The following GNG7 variants were observed in gnomAD, a reference collection of about 807,000 sequenced individuals.
GNG7 encodes guanine nucleotide-binding protein G(I)/G(S)/G(O) subunit gamma-7.
GNG7 carries 1 observed loss-of-function variant against 4.0 expected under a neutral mutation model. That is an observed-to-expected ratio of 0.25 (90% CI 0.09 to 1.18). The LOEUF is 1.18. Among genes scored for constraint, GNG7 ranks in the 50% most tolerant of loss-of-function variants. The probability of loss-of-function intolerance (pLI) is 0.50; values close to 1 mark genes in which losing one functional copy is unlikely to be tolerated. For missense variants in GNG7, 86 were observed against 91.9 expected, an observed-to-expected ratio of 0.94 and a Z score of 0.26; for synonymous variants, 34 against 36.9, an observed-to-expected ratio of 0.92 and a Z score of 0.29.
chr19:2,539,579 A>C (rs1978877596), intron 3 of GNG7, among the ~76,000 whole-genome samples: 1 of 152,116 alleles, frequency 6.6e-6, no homozygotes, highest in African/African-American at 2.4e-5. Context: ...CGCTGGGATT[A>C]CAGGCGGGAG....
At chr19:2,661,347 A>AGAAAGAAAGAAG (rs1568277881) in intron 1 of GNG7, among the ~76,000 whole-genome samples, 156 of 148,434 alleles carry the variant, frequency 1.1e-3, no homozygotes, top group African/African-American at 3.5e-3. Context: ...AAAGAAAGAA[A>AGAAAGAAAGAAG]GAAAGAAAGA....
intron 4 of GNG7, among the ~76,000 whole-genome samples, chr19:2,519,634 C>A (rs1172019602): frequency 7.2e-6 from 1 of 138,440 alleles, no homozygotes; most frequent in African/African-American, 2.7e-5. Flanking sequence ...ACATTTAAAT[C>A]CGTAGACTTC....
At chr19:2,668,667 A>G (rs1983374320) in intron 1 of GNG7, among the ~76,000 whole-genome samples, 1 of 152,190 alleles carries the variant, frequency 6.6e-6, no homozygotes, top group South Asian at 2.1e-4. Context: ...GGAGGGCTGC[A>G]GTTTTATGGA....
In GNG7 at chr19:2,568,457, TAC is replaced by T. The variant is rs745912151; in HGVS notation, c.-77-13271_-77-13270del. 8.8e-4 allele frequency among the ~76,000 whole-genome samples: 48 copies of T among 54,832 alleles called. 1 individual carries two copies. The highest frequency in any genetic ancestry group is 0.02 in the Middle Eastern group (1 of 50). 36.0% of individuals were successfully genotyped at this position (54,832 alleles called of 152,430 possible). A position where few individuals can be genotyped will look rare whatever the true frequency, so the allele number is the denominator to read the frequency against. On this transcript the variant is annotated intron_variant, in intron 2 of 4. Coordinates refer to ENST00000382159, the MANE Select transcript of GNG7 (RefSeq NM_052847.3). Reference sequence around the variant, plus strand: ...ATATACATACACACATACATATACATACACACACACATGCACATACACACAGA... The same window carrying T: ...ATATACATACACACATACATATACATACACACACATGCACATACACACAGA...
intron 2 of GNG7, among the ~76,000 whole-genome samples, chr19:2,589,844 C>T (rs954725971): frequency 6.6e-6 from 1 of 152,166 alleles, no homozygotes; most frequent in Admixed American, 6.5e-5. Flanking sequence ...GCCAGTCTCG[C>T]TCTGTCGCCC....
rs376157537 is a variant in GNG7 at position 2,640,490 on chromosome 19, CCTT to C, written c.-78+5731_-78+5733del. ...ATGAGGAATGAGAGAATAGAACCCT[CCTT>C]GTGTGAAATCTACAGGTGAATGTAA... On this transcript the variant is annotated intron_variant, in intron 2 of 4. Coordinates refer to ENST00000382159, the MANE Select transcript of GNG7 (RefSeq NM_052847.3). Among the ~76,000 whole-genome samples the C allele has an allele frequency of 4.0e-3, 606 of 152,286 alleles. 7 individuals carry two copies. In the South Asian group the frequency reaches 0.044, roughly 11 times the overall value.
At chr19:2,593,675 C>T (rs995907929) in intron 2 of GNG7, among the ~76,000 whole-genome samples, 1 of 150,630 alleles carries the variant, frequency 6.6e-6, no homozygotes, top group Non-Finnish European at 1.5e-5. Context: ...ACCTGGGACA[C>T]GGAGCTTGCA....
intron 3 of GNG7, among the ~76,000 whole-genome samples, chr19:2,525,696 G>A (rs988341232): frequency 6.6e-6 from 1 of 152,138 alleles, no homozygotes; most frequent in Non-Finnish European, 1.5e-5. Flanking sequence ...CTAACCCCTT[G>A]CTCCGGCAGT....
intron 2 of GNG7, among the ~76,000 whole-genome samples, chr19:2,575,566 C>CACACACAG (rs1568249803): frequency 8.4e-5 from 7 of 83,350 alleles, no homozygotes; most frequent in African/African-American, 3.7e-4. Context: ...CACACGCAGG[C>CACACACAG]ACACGCAGAC....
intron 2 of GNG7, among the ~76,000 whole-genome samples, chr19:2,582,213 G>A (rs1446198037): frequency 3.3e-5 from 5 of 152,126 alleles, no homozygotes; most frequent in African/African-American, 7.2e-5. Context: ...ATTGCAGCAA[G>A]GTTGATTTTT....
Position 2,568,825 on chromosome 19 carries a change from CAAAT to C in GNG7, c.-77-13641_-77-13638del, listed in dbSNP as rs375881713. Among the ~76,000 whole-genome samples, 37 of 151,986 alleles carry C rather than the reference CAAAT, an allele frequency of 2.4e-4. No homozygotes were observed. The East Asian group carries it at 4.6e-3, about 19-fold the overall frequency. ...ACATATATACACACACATATACACA[CAAAT>C]ATATACACATATGCAAATACACACA... On this transcript the variant is annotated intron_variant, in intron 2 of 4. Transcript: ENST00000382159.
intron 2 of GNG7, among the ~76,000 whole-genome samples, chr19:2,570,968 T>TTG (rs1980127227): frequency 8.5e-6 from 1 of 116,962 alleles, no homozygotes; most frequent in African/African-American, 5.6e-5. Flanking sequence ...TGGCTAATGT[T>TTG]TGTATTTTTT....
chr19:2,655,857 A>AT (rs1568275796), intron 1 of GNG7, among the ~76,000 whole-genome samples: 2 of 134,174 alleles, frequency 1.5e-5, no homozygotes, highest in African/African-American at 6.5e-5. Flanking sequence ...AAAAAAAAAA[A>AT]AAATACATAT....
intron 3 of GNG7, among the ~76,000 whole-genome samples, chr19:2,524,754 A>G (rs1978339483): frequency 6.6e-6 from 1 of 152,170 alleles, no homozygotes; most frequent in Admixed American, 6.5e-5. Context: ...ACGTGTGTGG[A>G]CACGGCACTG....
At chr19:2,517,939 C>T (rs947454001) in intron 4 of GNG7, among the ~76,000 whole-genome samples, 3 of 152,204 alleles carry the variant, frequency 2.0e-5, no homozygotes, top group East Asian at 3.9e-4. Context: ...AGCCGGGGGA[C>T]GCTCATGCCC....
rs572499138 is a variant in GNG7 at position 2,655,978 on chromosome 19, TCGTGCCACTGCACTCCAGCC to T, written c.-134-9718_-134-9699del. 4.4e-3 allele frequency among the ~76,000 whole-genome samples: 624 copies of T among 141,530 alleles called. 10 individuals carry two copies. The highest frequency in any genetic ancestry group is 0.016 in the African/African-American group (582 of 37,370). 92.8% of individuals were successfully genotyped at this position (141,530 alleles called of 152,430 possible). On this transcript the variant is annotated intron_variant, in intron 1 of 4. Coordinates refer to ENST00000382159, the MANE Select transcript of GNG7 (RefSeq NM_052847.3). ...AGGCAGAGGTTGCAGTGAGCCAGGA[TCGTGCCACTGCACTCCAGCC>T]CGGGTGACAGAGTGAGACTCCGATT...
chr19:2,605,142 C>T (rs921133014), intron 2 of GNG7, among the ~76,000 whole-genome samples: 1 of 152,192 alleles, frequency 6.6e-6, no homozygotes, highest in Admixed American at 6.5e-5. Flanking sequence ...CACATGGCTC[C>T]AGTCTCTGCC....
chr19:2,678,176 C>T (rs948910707), intron 1 of GNG7, among the ~76,000 whole-genome samples: 11 of 152,248 alleles, frequency 7.2e-5, no homozygotes, highest in African/African-American at 2.4e-4. Flanking sequence ...CGGTGGCCGA[C>T]GCCAACACTG....
rs548225550 is a variant in GNG7 at position 2,546,404 on chromosome 19, C to T, written c.-38+8745G>A. On this transcript the variant is annotated intron_variant, in intron 3 of 4. Transcript: ENST00000382159. The surrounding 1 kb of genome is among the most constrained non-coding windows in gnomAD (Gnocchi z 6.3). Reference sequence around the variant, plus strand: ...GCTCTGACCGTTGGTGGCTCTGTGACCTCAAGGCAGGGCCGTGGGGCCCAG... The same window carrying T: ...GCTCTGACCGTTGGTGGCTCTGTGATCTCAAGGCAGGGCCGTGGGGCCCAG... Among the ~76,000 whole-genome samples, 12 of 152,342 alleles carry T rather than the reference C, an allele frequency of 7.9e-5. No homozygotes were observed. The highest frequency in any genetic ancestry group is 2.6e-4 in the African/African-American group (11 of 41,578).
Sources: allele counts gnomAD v4.1 joint callset (sites outside exome capture counted in the v4.1 genomes callset), GRCh38; gene constraint gnomAD v4.1.1; non-coding constraint Gnocchi (gnomAD v3.1); transcripts MANE v1.5; gene names NCBI Gene and HGNC (gene_info 2026-07-23, HGNC 2026-07-21).